SH3KBP1: variants seen among roughly 807,000 people sequenced by gnomAD.
The protein encoded by SH3KBP1 is SH3 domain-containing kinase-binding protein 1.
In SH3KBP1, 8 loss-of-function variants were observed where a neutral mutation model predicts 50.1. That is an observed-to-expected ratio of 0.16 (90% CI 0.09 to 0.29). The LOEUF (loss-of-function observed/expected upper bound fraction) is 0.29, where lower values mean the gene tolerates loss of function less well. SH3KBP1 is among the 10% of genes least tolerant of loss of function. The pLI, the probability that SH3KBP1 is intolerant of heterozygous loss-of-function variation, is 1.00. For missense variants in SH3KBP1, 377 were observed against 535.2 expected, an observed-to-expected ratio of 0.70 and a Z score of 2.92; for synonymous variants, 227 against 218.6, an observed-to-expected ratio of 1.04 and a Z score of -0.34.
intron 14 of SH3KBP1, among the ~76,000 whole-genome samples, chrX:19,548,570 A>C (rs1193643024): frequency 9.0e-6 from 1 of 111,332 alleles, no homozygotes; most frequent in Admixed American, 9.6e-5. Flanking sequence ...GTGTCAATGC[A>C]GTTAGGTTTT....
intron 8 of SH3KBP1, among the ~76,000 whole-genome samples, chrX:19,621,073 C>CA (rs1463675924): frequency 3.1e-5 from 1 of 32,676 alleles, no homozygotes; most frequent in Non-Finnish European, 5.9e-5. Flanking sequence ...TCTTTTCTTT[C>CA]TTTTTTTTTT....
At chrX:19,590,503 T>A (rs958458343) in intron 11 of SH3KBP1, among the ~76,000 whole-genome samples, 1 of 111,112 alleles carries the variant, frequency 9.0e-6, no homozygotes, top group African/African-American at 3.3e-5. Flanking sequence ...ACTAGGGTGG[T>A]TGTTCACATG....
At chrX:19,540,982 T>C (rs2064871811) in intron 16 of SH3KBP1, among the ~76,000 whole-genome samples, 1 of 110,563 alleles carries the variant, frequency 9.0e-6, no homozygotes, top group African/African-American at 3.3e-5. Context: ...TGGCACAATC[T>C]TGGCTCACTG....
chrX:19,773,549 AC>A (rs2065857573), intron 2 of SH3KBP1, among the ~76,000 whole-genome samples: 2 of 106,942 alleles, frequency 1.9e-5, no homozygotes, highest in Admixed American at 2.0e-4. Context: ...ACACACACAC[AC>A]CCCCCTATAA....
At chrX:19,709,122 A>G (rs745563316) in intron 3 of SH3KBP1, among the ~76,000 whole-genome samples, 7 of 112,310 alleles carry the variant, frequency 6.2e-5, no homozygotes, top group Non-Finnish European at 1.3e-4. Context: ...AAATCCCCGC[A>G]TCGGACTTCC....
rs994522777 is a variant in SH3KBP1 at position 19,681,878 on chromosome X, C to T, written c.726+1945G>A. ...GATGTGACTTGGGTTTTCAAAGGTT[C>T]TCCCTGGCTTCGCTCTTAAGACTAA... On this transcript the variant is annotated intron_variant, in intron 6 of 17. Coordinates refer to ENST00000397821, the MANE Select transcript of SH3KBP1 (RefSeq NM_031892.3). Among the ~76,000 whole-genome samples, 4 of 110,050 alleles carry T rather than the reference C, an allele frequency of 3.6e-5. No homozygotes were observed. In the East Asian group the frequency reaches 1.2e-3, roughly 32 times the overall value.
chrX:19,714,905 T>C (rs1304171397), intron 3 of SH3KBP1, among the ~76,000 whole-genome samples: 1 of 111,893 alleles, frequency 8.9e-6, no homozygotes, highest in Admixed American at 9.5e-5. Flanking sequence ...AATGTCCTCA[T>C]ACTTAGGAGA....
chrX:19,547,542 A>G, intron 14 of SH3KBP1, among the ~76,000 whole-genome samples: 1 of 112,386 alleles, frequency 8.9e-6, no homozygotes, highest in East Asian at 2.8e-4. Context: ...TGAAAATCCA[A>G]TTACCTAGAA....
chrX:19,715,939 G>A (rs1381513183), intron 3 of SH3KBP1, among the ~76,000 whole-genome samples: 1 of 111,131 alleles, frequency 9.0e-6, no homozygotes, highest in Non-Finnish European at 1.9e-5. Flanking sequence ...GGGGTGGGGG[G>A]AAGGCAGCAA....
intron 5 of SH3KBP1, among the ~76,000 whole-genome samples, chrX:19,692,852 T>C (rs1393800856): frequency 9.3e-6 from 1 of 107,155 alleles, no homozygotes; most frequent in Non-Finnish European, 1.9e-5. Context: ...CCAGCTAATT[T>C]TTGTTTTTTT....
chrX:19,614,232 T>G (rs1221389515), intron 8 of SH3KBP1, among the ~76,000 whole-genome samples: 1 of 112,641 alleles, frequency 8.9e-6, no homozygotes, highest in Non-Finnish European at 1.9e-5. Context: ...CTGTTCAATC[T>G]TGCCAGCATG....
chrX:19,826,549 G>T (rs766728695), intron 2 of SH3KBP1, among the ~76,000 whole-genome samples: 1 of 110,765 alleles, frequency 9.0e-6, no homozygotes, highest in East Asian at 2.8e-4. Flanking sequence ...AGGTTAGGTG[G>T]TTACATGTGT....
rs1276369664 is a variant in SH3KBP1 at position 19,793,305 on chromosome X, G to GAAA, written c.162+42817_162+42819dup. On this transcript the variant is annotated intron_variant, in intron 2 of 17. Coordinates refer to ENST00000397821, the MANE Select transcript of SH3KBP1 (RefSeq NM_031892.3). ...AGAGCAAGCAAGACATTGTCTCAAG[G>GAAA]AAAAAAAAATATATATATATATATA... Among the ~76,000 whole-genome samples the GAAA allele has an allele frequency of 3.3e-3, 316 of 94,524 alleles. 3 individuals are homozygous for GAAA. Among genetic ancestry groups the GAAA allele is most frequent in the African/African-American group, 0.013 (308 of 23,673 alleles). The allele number at this position is 94,524 out of a possible 115,157, so 82.1% of individuals were successfully genotyped here.
intron 5 of SH3KBP1, among the ~76,000 whole-genome samples, chrX:19,693,121 C>G (rs1298549461): frequency 1.8e-5 from 2 of 112,078 alleles, no homozygotes; most frequent in Non-Finnish European, 3.8e-5. Context: ...TGGGACTGGC[C>G]TCTTTGTGCC....
At chrX:19,809,308 G>A (rs890476941) in intron 2 of SH3KBP1, among the ~76,000 whole-genome samples, 7 of 111,658 alleles carry the variant, frequency 6.3e-5, no homozygotes, top group African/African-American at 2.0e-4. Flanking sequence ...GGCAGATCAC[G>A]AGGTCAGGAG....
chrX:19,819,259 T>C (rs1234377031), intron 2 of SH3KBP1, among the ~76,000 whole-genome samples: 1 of 112,088 alleles, frequency 8.9e-6, no homozygotes, highest in East Asian at 2.8e-4. Context: ...TATCACCTGT[T>C]TTATTCCTAC....
chrX:19,817,756 T>C (rs2067400963), intron 2 of SH3KBP1, among the ~76,000 whole-genome samples: 1 of 111,532 alleles, frequency 9.0e-6, no homozygotes, highest in Non-Finnish European at 1.9e-5. Flanking sequence ...TGCCTCAGCC[T>C]CCTGAGTTGC....
At chrX:19,619,467 A>C (rs372847206) in intron 8 of SH3KBP1, among the ~76,000 whole-genome samples, 1 of 111,854 alleles carries the variant, frequency 8.9e-6, no homozygotes, top group East Asian at 2.8e-4. Flanking sequence ...GCACTTTTAC[A>C]TTTTTTTCCT....
chrX:19,862,974 C>T (rs986101130), intron 1 of SH3KBP1, among the ~76,000 whole-genome samples: 1 of 111,884 alleles, frequency 8.9e-6, no homozygotes, highest in Non-Finnish European at 1.9e-5. Flanking sequence ...AAGAACCGCA[C>T]AAAAGAATCT....
Sources: allele counts gnomAD v4.1 joint callset (sites outside exome capture counted in the v4.1 genomes callset), GRCh38; gene constraint gnomAD v4.1.1; transcripts MANE v1.5; gene names NCBI Gene and HGNC (gene_info 2026-07-23, HGNC 2026-07-21).